The following GRM7 variants were observed in gnomAD, a reference collection of about 807,000 sequenced individuals.
The protein encoded by GRM7 is glutamate metabotropic receptor 7, also known as metabotropic glutamate receptor 7.
A neutral mutation model predicts 84.5 loss-of-function variants in GRM7; 35 were observed. The observed-to-expected ratio is 0.41, with a 90% confidence interval of 0.32 to 0.55. The LOEUF (loss-of-function observed/expected upper bound fraction) is 0.55, where lower values mean the gene tolerates loss of function less well. GRM7 is among the 20% of genes least tolerant of loss of function. The probability of loss-of-function intolerance (pLI) is 0.19; values close to 1 mark genes in which losing one functional copy is unlikely to be tolerated. For synonymous variants in GRM7, 487 were observed against 455.1 expected (o/e 1.07, Z -0.89); for missense variants, 1,003 against 1,194.6 (o/e 0.84, Z 2.36).
chr3:6,979,296 C>T (rs1694110652), intron 1 of GRM7, among the ~76,000 whole-genome samples: 2 of 152,112 alleles, frequency 1.3e-5, no homozygotes, highest in Non-Finnish European at 2.9e-5. Context: ...TAAAAATCTT[C>T]AAGGGAAGAA....
chr3:6,910,213 C>T (rs1352030095), intron 1 of GRM7, among the ~76,000 whole-genome samples: 1 of 152,238 alleles, frequency 6.6e-6, no homozygotes, highest in South Asian at 2.1e-4. Flanking sequence ...AGACTCATCA[C>T]TAATCCATAG....
At chr3:7,054,559 T>G (rs934152129) in intron 1 of GRM7, among the ~76,000 whole-genome samples, 1 of 151,862 alleles carries the variant, frequency 6.6e-6, no homozygotes, top group Non-Finnish European at 1.5e-5. Flanking sequence ...ATTTCTGTCT[T>G]TCACCATTAA....
At chr3:7,192,017 T>G (rs150501452) in intron 2 of GRM7, among the ~76,000 whole-genome samples, 1 of 152,138 alleles carries the variant, frequency 6.6e-6, no homozygotes, top group Non-Finnish European at 1.5e-5. Flanking sequence ...TTGTGAACAG[T>G]ACAGATTCTC....
In GRM7 at chr3:7,305,349, T is replaced by TC. The variant is rs1486852422; in HGVS notation, c.879-1149_879-1148insC. ...CTGCTGCTTTTTTTTTTTTCTTTTT[T>TC]TTTTTTTTTAATTATACTTTAAGTT... On this transcript the variant is annotated intron_variant, in intron 3 of 9. Transcript: ENST00000357716. 3.8e-5 allele frequency among the ~76,000 whole-genome samples: 2 copies of TC among 51,972 alleles called. 1 individual carries two copies. The highest frequency in any genetic ancestry group is 1.0e-4 in the African/African-American group (2 of 19,806). The allele number at this position is 51,972 out of a possible 152,430, so 34.1% of individuals were successfully genotyped here.
chr3:7,155,008 G>T (rs1465451247), intron 2 of GRM7, among the ~76,000 whole-genome samples: 1 of 152,098 alleles, frequency 6.6e-6, no homozygotes, highest in Non-Finnish European at 1.5e-5. Context: ...TATAGAACTG[G>T]AGGAAAGTAC....
chr3:7,448,786 G>C (rs955493457), intron 5 of GRM7, among the ~76,000 whole-genome samples: 16 of 151,964 alleles, frequency 1.1e-4, no homozygotes, highest in South Asian at 1.0e-3. Flanking sequence ...ATGTTTCACA[G>C]ATAATAAAAT....
At chr3:7,376,104 A>G (rs140416405) in intron 4 of GRM7, among the ~76,000 whole-genome samples, 49 of 152,300 alleles carry the variant, frequency 3.2e-4, no homozygotes, top group Admixed American at 2.6e-4. Context: ...CCCGAGATAT[A>G]AAGTGGCGAT....
At chr3:7,534,606 A>G (rs17721087) in intron 7 of GRM7, among the ~76,000 whole-genome samples, 8 of 152,122 alleles carry the variant, frequency 5.3e-5, no homozygotes, top group Non-Finnish European at 1.0e-4. Context: ...TTTCACCTTA[A>G]AAAGTCCCTT....
intron 1 of GRM7, among the ~76,000 whole-genome samples, chr3:6,875,293 T>G (rs1467965410): frequency 1.3e-5 from 2 of 152,138 alleles, no homozygotes; most frequent in Non-Finnish European, 2.9e-5. Flanking sequence ...TGATATGGTT[T>G]GGCTGTGTCC....
chr3:7,560,357 A>G (rs899845347), intron 7 of GRM7: 2 of 152,034 alleles, frequency 1.3e-5, no homozygotes, highest in African/African-American at 4.8e-5. Context: ...ATGAATTGCA[A>G]GTCTGTTGAT....
In GRM7 at chr3:7,026,967, G is replaced by C. The variant is rs1259935835; in HGVS notation, c.520-119485G>C. On this transcript the variant is annotated intron_variant, in intron 1 of 9. Coordinates refer to ENST00000357716, the MANE Select transcript of GRM7 (RefSeq NM_000844.4). ...CAACTCATCTTCTCCTATCTCTTGA[G>C]CTTTCAAGCCTCATTGCTTTGGCTC... Among the ~76,000 whole-genome samples, 8 of 152,144 alleles carry C rather than the reference G, an allele frequency of 5.3e-5. No individual in the cohort carries two copies. In the East Asian group the frequency reaches 1.5e-3, roughly 29 times the overall value.
intron 8 of GRM7, among the ~76,000 whole-genome samples, chr3:7,579,605 T>A (rs1376590984): frequency 2.0e-5 from 3 of 152,206 alleles, no homozygotes; most frequent in African/African-American, 7.2e-5. Context: ...AATTATTAAA[T>A]GTAATGAGAG....
At chr3:6,987,506 G>C (rs1162118629) in intron 1 of GRM7, among the ~76,000 whole-genome samples, 1 of 152,148 alleles carries the variant, frequency 6.6e-6, no homozygotes, top group African/African-American at 2.4e-5. Context: ...CTTCGGTAAT[G>C]AGAGGAAACA....
intron 2 of GRM7, among the ~76,000 whole-genome samples, chr3:7,168,549 G>C (rs996687169): frequency 2.0e-5 from 3 of 152,160 alleles, no homozygotes; most frequent in African/African-American, 7.2e-5. Flanking sequence ...CCAGCACTTT[G>C]ATCTTAGACT....
intron 4 of GRM7, among the ~76,000 whole-genome samples, chr3:7,354,933 C>T (rs1264739721): frequency 1.3e-5 from 2 of 152,198 alleles, no homozygotes; most frequent in Non-Finnish European, 2.9e-5. Flanking sequence ...CTTCAGCTCT[C>T]TGTCATAGTC....
intron 1 of GRM7, among the ~76,000 whole-genome samples, chr3:7,058,132 T>G (rs569997710): frequency 2.0e-4 from 30 of 152,048 alleles, no homozygotes; most frequent in African/African-American, 7.2e-4. Context: ...GAAACAGACT[T>G]TCGGCCTATT....
At chr3:7,273,138 T>G (rs942190827) in intron 2 of GRM7, among the ~76,000 whole-genome samples, 1 of 152,130 alleles carries the variant, frequency 6.6e-6, no homozygotes, top group Non-Finnish European at 1.5e-5. Flanking sequence ...ATGATATCCA[T>G]GTATGTTGGT....
intron 7 of GRM7, among the ~76,000 whole-genome samples, chr3:7,503,528 A>C (rs776843202): frequency 2.6e-5 from 4 of 152,152 alleles, no homozygotes; most frequent in Non-Finnish European, 4.4e-5. Flanking sequence ...TTCTCTGGTG[A>C]TTATTCCTTC....
chr3:7,099,565 AT>A, intron 1 of GRM7, among the ~76,000 whole-genome samples: 1 of 146,466 alleles, frequency 6.8e-6, no homozygotes, highest in Admixed American at 6.9e-5. Context: ...ATGTACACGC[AT>A]TATACATGTG....
Sources: allele counts gnomAD v4.1 joint callset (sites outside exome capture counted in the v4.1 genomes callset), GRCh38; gene constraint gnomAD v4.1.1; transcripts MANE v1.5; gene names NCBI Gene and HGNC (gene_info 2026-07-23, HGNC 2026-07-21).